Variants in GALNT10 observed in about 807,000 individuals in gnomAD.
The protein encoded by GALNT10 is GalNAc transferase 10.
Under a neutral mutation model 75.0 loss-of-function variants are expected in GALNT10, and 41 were observed. The ratio of observed to expected loss-of-function variants is 0.55; its 90% confidence interval spans 0.43 to 0.71. GALNT10 has a LOEUF of 0.71. Among genes scored for constraint, GALNT10 ranks in the 30% least tolerant of loss-of-function variants. GALNT10 has a pLI of 0.00. For missense variants in GALNT10, 727 were observed against 818.5 expected (o/e 0.89, Z 1.36); for synonymous variants, 302 against 313.0 (o/e 0.96, Z 0.37).
rs369486599 is a variant in GALNT10 at position 154,275,610 on chromosome 5, C to T, written c.160-19206C>T. Among the ~76,000 whole-genome samples the T allele has an allele frequency of 2.8e-4, 43 of 152,324 alleles. 1 individual carries two copies. Among genetic ancestry groups the T allele is most frequent in the Middle Eastern group, 3.4e-3 (1 of 294 alleles). On this transcript the variant is annotated intron_variant, in intron 1 of 11. Coordinates refer to ENST00000297107, the MANE Select transcript of GALNT10 (RefSeq NM_198321.4). ...AACACTTTATCTCTGCTGCACACAGCGCCTGCCAGGTGGGTCAGCAGGGGC... is the reference window on the plus strand; with the variant it reads ...AACACTTTATCTCTGCTGCACACAGTGCCTGCCAGGTGGGTCAGCAGGGGC...
At position 154,321,990 on chromosome 5, in the gene GALNT10, C is replaced by T. The variant is rs114421184; in HGVS notation, c.402-7582C>T. ...ACCCTGGGCAAAAGGGTATCAAGGA[C>T]GACTCCTCGTGTATTTGTTTTCTAT... On this transcript the variant is annotated intron_variant, in intron 3 of 11. Coordinates refer to ENST00000297107, the MANE Select transcript of GALNT10 (RefSeq NM_198321.4). Among the ~76,000 whole-genome samples the T allele has an allele frequency of 8.9e-3, 1,358 of 152,294 alleles. 8 individuals are homozygous for T. Among genetic ancestry groups the T allele is most frequent in the Non-Finnish European group, 0.013 (890 of 68,032 alleles).
intron 1 of GALNT10, among the ~76,000 whole-genome samples, chr5:154,281,303 T>A (rs1754035730): frequency 6.6e-6 from 1 of 152,248 alleles, no homozygotes; most frequent in African/African-American, 2.4e-5. Flanking sequence ...GACTATTTGA[T>A]ATTTTTGACA....
At chr5:154,288,308 T>C (rs1754142316) in intron 1 of GALNT10, among the ~76,000 whole-genome samples, 1 of 152,180 alleles carries the variant, frequency 6.6e-6, no homozygotes, top group African/African-American at 2.4e-5. Context: ...ATCTTCCTTC[T>C]TGAGCAGAAT....
chr5:154,286,682 A>G (rs1293302422), intron 1 of GALNT10, among the ~76,000 whole-genome samples: 1 of 152,188 alleles, frequency 6.6e-6, no homozygotes, highest in Non-Finnish European at 1.5e-5. Flanking sequence ...CTTTGAAACA[A>G]TGGCTCCTAT....
At chr5:154,348,073 A>G (rs932540753) in intron 4 of GALNT10, among the ~76,000 whole-genome samples, 1 of 152,270 alleles carries the variant, frequency 6.6e-6, no homozygotes, top group Non-Finnish European at 1.5e-5. Flanking sequence ...GCATAGAGCC[A>G]GAAGATGTAC....
intron 3 of GALNT10, among the ~76,000 whole-genome samples, chr5:154,321,107 T>C (rs562332620): frequency 1.1e-4 from 16 of 152,302 alleles, no homozygotes; most frequent in Admixed American, 3.3e-4. Context: ...TGTCCATAAT[T>C]AGCATTGGTT....
At chr5:154,283,902 A>G (rs1441245494) in intron 1 of GALNT10, among the ~76,000 whole-genome samples, 1 of 152,206 alleles carries the variant, frequency 6.6e-6, no homozygotes, top group Non-Finnish European at 1.5e-5. Context: ...CCCCTGACCA[A>G]TGCCAGCTGA....
chr5:154,323,720 C>G (rs1291079776), intron 3 of GALNT10, among the ~76,000 whole-genome samples: 1 of 152,222 alleles, frequency 6.6e-6, no homozygotes, highest in South Asian at 2.1e-4. Context: ...CCTCATTGAG[C>G]CTCCCTCAGC....
intron 1 of GALNT10, among the ~76,000 whole-genome samples, chr5:154,267,325 G>A (rs578082): frequency 0.064 from 9,780 of 152,166 alleles, 864 homozygotes; most frequent in African/African-American, 0.2. Context: ...AGCAGGTAGA[G>A]GGTGGCAGAA....
At chr5:154,333,816 C>G (rs971315123) in intron 4 of GALNT10, among the ~76,000 whole-genome samples, 4 of 152,232 alleles carry the variant, frequency 2.6e-5, no homozygotes, top group African/African-American at 9.6e-5. Context: ...ACTCCCACCT[C>G]ACACCCTTCA....
At chr5:154,339,657 A>G (rs1754999967) in intron 4 of GALNT10, among the ~76,000 whole-genome samples, 1 of 152,212 alleles carries the variant, frequency 6.6e-6, no homozygotes. Flanking sequence ...CTGTAGTGGA[A>G]AATAGCTGCA....
chr5:154,360,835 T>C (rs1755374849), intron 4 of GALNT10, among the ~76,000 whole-genome samples: 1 of 152,348 alleles, frequency 6.6e-6, no homozygotes, highest in African/African-American at 2.4e-5. Flanking sequence ...AAGTGGTTGA[T>C]CCAAGAATTT....
intron 1 of GALNT10, among the ~76,000 whole-genome samples, chr5:154,196,282 AGAGTAGAG>A: frequency 6.6e-6 from 1 of 152,234 alleles, no homozygotes; most frequent in Non-Finnish European, 1.5e-5. Context: ...CAAAGGGACA[AGAGTAGAG>A]GAATTAAAGG....
intron 1 of GALNT10, among the ~76,000 whole-genome samples, chr5:154,273,356 C>T (rs1753899659): frequency 6.6e-6 from 1 of 152,132 alleles, no homozygotes; most frequent in South Asian, 2.1e-4. Context: ...GAAATAAAGT[C>T]ACATGAAAAA....
intron 1 of GALNT10, among the ~76,000 whole-genome samples, chr5:154,212,734 C>G (rs865976608): frequency 4.7e-4 from 72 of 151,698 alleles, no homozygotes; most frequent in African/African-American, 1.7e-3. Flanking sequence ...TTTGGGAGGC[C>G]GAGGCGGGCA....
intron 4 of GALNT10, among the ~76,000 whole-genome samples, chr5:154,350,576 G>A (rs557426563): frequency 3.9e-5 from 6 of 152,282 alleles, no homozygotes; most frequent in African/African-American, 1.4e-4. Context: ...AATGGAAGTA[G>A]CCAGTAGCAT....
chr5:154,249,210 C>T (rs1022130803), intron 1 of GALNT10, among the ~76,000 whole-genome samples: 1 of 152,182 alleles, frequency 6.6e-6, no homozygotes, highest in Non-Finnish European at 1.5e-5. Context: ...TTTCTGGCCC[C>T]CATGCCCAAA....
intron 4 of GALNT10, chr5:154,356,154 T>A: frequency 2.2e-6 from 1 of 456,318 alleles, no homozygotes; most frequent in Non-Finnish European, 4.4e-6. Context: ...CAATTACAGA[T>A]CTGCCGACTG....
chr5:154,380,181 C>T (rs1049094194), intron 5 of GALNT10, among the ~76,000 whole-genome samples: 3 of 152,164 alleles, frequency 2.0e-5, no homozygotes, highest in South Asian at 2.1e-4. Flanking sequence ...GAGGCAGAGC[C>T]TCTTCTTAAC....
Sources: gnomAD v4.1 joint callset for allele counts (sites outside exome capture counted in the v4.1 genomes callset) on GRCh38, gnomAD v4.1.1 for gene constraint, MANE v1.5 for transcripts, NCBI Gene and HGNC (gene_info 2026-07-23, HGNC 2026-07-21) for gene names.